PRRC2C: variants seen among roughly 807,000 people sequenced by gnomAD.
PRRC2C encodes proline rich coiled-coil 2C.
In PRRC2C, 72 loss-of-function variants were observed where a neutral mutation model predicts 317.2. The observed-to-expected ratio is 0.23, with a 90% confidence interval of 0.19 to 0.28. The LOEUF is 0.28. Ranked by LOEUF, PRRC2C falls within the 10% of genes least tolerant of loss-of-function variation. The pLI is 1.00. For synonymous variants in PRRC2C, 1,296 were observed against 1,205.9 expected, an observed-to-expected ratio of 1.07 and a Z score of -1.55; for missense variants, 3,074 against 3,459.7, an observed-to-expected ratio of 0.89 and a Z score of 2.80.
rs771410428 is a variant in PRRC2C, at chr1:171,488,750, C to T, written c.-58+3015C>T. 1.4e-4 allele frequency among the ~76,000 whole-genome samples: 21 copies of T among 152,180 alleles called. No individual in the cohort carries two copies. In the South Asian group the frequency reaches 1.5e-3, roughly 11 times the overall value. On this transcript the variant is annotated intron_variant, in intron 1 of 34. Coordinates refer to ENST00000647382, the MANE Select transcript of PRRC2C (RefSeq NM_001387844.1). ...ACAAGGACTGTTACTTAGTTTCAAC[C>T]GGAAATTTTTATCTGATTGGCAGAC...
chr1:171,576,090 A>T (rs1685651676), intron 25 of PRRC2C, among the ~76,000 whole-genome samples: 1 of 152,208 alleles, frequency 6.6e-6, no homozygotes, highest in Non-Finnish European at 1.5e-5. Flanking sequence ...CTGTGTTCCA[A>T]CTATATTTCT....
At chr1:171,538,113 G>T (rs1571869698) in intron 15 of PRRC2C, among the ~76,000 whole-genome samples, 2 of 152,080 alleles carry the variant, frequency 1.3e-5, no homozygotes, top group East Asian at 3.9e-4. Flanking sequence ...TGTTAGCCAG[G>T]ATGGTCTCGA....
chr1:171,590,209 G>A (rs1426258688), intron 34 of PRRC2C, among the ~76,000 whole-genome samples: 1 of 152,114 alleles, frequency 6.6e-6, no homozygotes, highest in Non-Finnish European at 1.5e-5. Context: ...GTATTCCACA[G>A]TGGATTGTGC....
intron 18 of PRRC2C, among the ~76,000 whole-genome samples, chr1:171,554,579 T>G (rs1365950673): frequency 6.6e-6 from 1 of 152,218 alleles, no homozygotes; most frequent in Non-Finnish European, 1.5e-5. Context: ...TCTTTACAAT[T>G]TGGCATGTTT....
chr1:171,487,514 T>C (rs1318052864), intron 1 of PRRC2C, among the ~76,000 whole-genome samples: 1 of 152,154 alleles, frequency 6.6e-6, no homozygotes, highest in Non-Finnish European at 1.5e-5. Context: ...GGACTTGGGG[T>C]AGAGGCTAAT....
chr1:171,573,350 A>G (rs1685104240), intron 24 of PRRC2C, among the ~76,000 whole-genome samples: 2 of 152,190 alleles, frequency 1.3e-5, no homozygotes, highest in African/African-American at 4.8e-5. Flanking sequence ...AACTTAATTT[A>G]TATGTTCCCA....
In PRRC2C at chr1:171,506,015, G is replaced by A. The variant is rs567921924; in HGVS notation, c.-57-6017G>A. Among the ~76,000 whole-genome samples, 329 of 152,266 alleles carry A rather than the reference G, an allele frequency of 2.2e-3. 15 individuals carry two copies. In the South Asian group the frequency reaches 0.063, roughly 29 times the overall value. Reference sequence around the variant, plus strand: ...CAATAGACTATACCATATAGCCTTGGTGTTCAGTAGGCTATGCCATCTACA... The same window carrying A: ...CAATAGACTATACCATATAGCCTTGATGTTCAGTAGGCTATGCCATCTACA... On this transcript the variant is annotated intron_variant, in intron 1 of 34. Transcript: ENST00000647382.
intron 18 of PRRC2C, among the ~76,000 whole-genome samples, chr1:171,552,791 C>T (rs1402929164): frequency 6.6e-6 from 1 of 151,910 alleles, no homozygotes; most frequent in Non-Finnish European, 1.5e-5. Flanking sequence ...GTTGAATCAG[C>T]CTTGCATCCT....
rs1236663155 is a variant in PRRC2C at position 171,559,505 on chromosome 1, G to GTTTTTTTTTTTTTTTTTTTTTTTTT, written c.6031+1365_6031+1366insTTTTTTTTTTTTTTTTTTTTTTTTT. ...ATCTGTTTACAAAATGGCATACCAA[G>GTTTTTTTTTTTTTTTTTTTTTTTTT]TTTGTTTTTTTTTTTTTTTTTTTTT... is the stretch of plus-strand genomic sequence containing the variant. On this transcript the variant is annotated intron_variant, in intron 19 of 34. Transcript: ENST00000647382. Among the ~76,000 whole-genome samples the GTTTTTTTTTTTTTTTTTTTTTTTTT allele has an allele frequency of 1.8e-4, 17 of 95,134 alleles. 8 individuals carry two copies. The highest frequency in any genetic ancestry group is 7.5e-4 in the South Asian group (2 of 2,678). The allele number at this position is 95,134 out of a possible 152,430, so 62.4% of individuals were successfully genotyped here.
chr1:171,549,000 C>T (rs1471640768), intron 17 of PRRC2C, among the ~76,000 whole-genome samples: 7 of 152,030 alleles, frequency 4.6e-5, no homozygotes, highest in South Asian at 2.1e-4. Flanking sequence ...CACAGGCATG[C>T]GCCAGCTAAT....
chr1:171,505,889 T>A (rs1177436085), intron 1 of PRRC2C, among the ~76,000 whole-genome samples: 1 of 152,248 alleles, frequency 6.6e-6, no homozygotes, highest in Admixed American at 6.5e-5. Flanking sequence ...GTACGCTTTC[T>A]ATGTTTAGAC....
intron 18 of PRRC2C, among the ~76,000 whole-genome samples, chr1:171,552,492 A>G (rs982683539): frequency 1.6e-4 from 25 of 152,164 alleles, no homozygotes; most frequent in African/African-American, 6.0e-4. Context: ...AGAACTTCCA[A>G]CACTATGCTG....
chr1:171,485,957 C>T (rs868391687), intron 1 of PRRC2C, among the ~76,000 whole-genome samples: 20 of 152,094 alleles, frequency 1.3e-4, no homozygotes, highest in Admixed American at 2.6e-4. Flanking sequence ...AAACCGGAGT[C>T]AGACCCGCCC....
intron 23 of PRRC2C, 81 bp downstream of exon 23, chr1:171,568,420 T>C (rs1170158464): frequency 6.0e-6 from 9 of 1,502,944 alleles, no homozygotes; most frequent in Admixed American, 2.0e-5. Flanking sequence ...ATGTTTTATT[T>C]ACTGTAGTGA....
At chr1:171,591,250 A>G (rs1558066728) in intron 34 of PRRC2C, 7 of 996,948 alleles carry the variant, frequency 7.0e-6, no homozygotes, top group Non-Finnish European at 8.5e-6. Context: ...ATTGTAGACC[A>G]CATATTGATA....
At chr1:171,522,090 G>T (rs1272237298) in intron 6 of PRRC2C, 87 bp from the exon 7 acceptor site, 2 of 540,082 alleles carry the variant, frequency 3.7e-6, no homozygotes, top group Non-Finnish European at 6.1e-6. Flanking sequence ...GTAACTTCAG[G>T]CCTAGGCTCA....
rs143260154 is a variant in PRRC2C at position 171,514,114 on chromosome 1, G to T, written c.291-422G>T. Among the ~76,000 whole-genome samples, 43 of 152,328 alleles carry T rather than the reference G, an allele frequency of 2.8e-4. No individual in the cohort carries two copies. The East Asian group carries it at 5.0e-3, about 18-fold the overall frequency. ...AAGTACAGTGGTGATCCTGTTGACT[G>T]CCAGGTGGGGAGTTTGCTTAGCTTT... On this transcript the variant is annotated intron_variant, in intron 3 of 34. Transcript: ENST00000647382.
In PRRC2C at chr1:171,592,106, T is replaced by A; in HGVS notation, c.*259T>A. ...TGCATCTTCAGTCAGAATTTATATATAAATGTATGCACCCATTTTTTTGAG... is the reference window on the plus strand; with the variant it reads ...TGCATCTTCAGTCAGAATTTATATAAAAATGTATGCACCCATTTTTTTGAG... On this transcript the variant is annotated 3_prime_UTR_variant, in exon 35 of 35. Coordinates refer to ENST00000647382, the MANE Select transcript of PRRC2C (RefSeq NM_001387844.1). 1 of 394,322 alleles carries A rather than the reference T, an allele frequency of 2.5e-6. No individual in the cohort carries two copies. The highest frequency in any genetic ancestry group is 2.0e-5 in the African/African-American group (1 of 49,300). 24.4% of individuals were successfully genotyped at this position (394,322 alleles called of 1,614,324 possible). A position where few individuals can be genotyped will look rare whatever the true frequency, so the allele number is the denominator to read the frequency against.
intron 33 of PRRC2C, 55 bp downstream of exon 33, chr1:171,588,560 C>G (rs1367386114): frequency 4.5e-6 from 7 of 1,542,714 alleles, no homozygotes; most frequent in Non-Finnish European, 6.2e-6. Context: ...AGTTGCTAAT[C>G]TGATAAATTA....
Sources: gnomAD v4.1 joint callset for allele counts (sites outside exome capture counted in the v4.1 genomes callset) on GRCh38, gnomAD v4.1.1 for gene constraint, MANE v1.5 for transcripts, NCBI Gene and HGNC (gene_info 2026-07-23, HGNC 2026-07-21) for gene names.